Variants in ETFB observed in about 807,000 individuals in gnomAD.
ETFB encodes the protein electron transfer flavoprotein subunit beta, also known as beta-ETF.
In ETFB, 20 loss-of-function variants were observed where a neutral mutation model predicts 25.6. That is an observed-to-expected ratio of 0.78 (90% CI 0.55 to 1.14). The LOEUF (loss-of-function observed/expected upper bound fraction) is 1.14. ETFB is among the 50% of genes most tolerant of loss of function. ETFB has a pLI of 0.00. For missense variants in ETFB, 286 were observed against 342.6 expected (o/e 0.83, Z 1.30); for synonymous variants, 142 against 146.7 (o/e 0.97, Z 0.23).
At chr19:51,354,402 A>G in intron 1 of ETFB, 94 bp from the exon 2 acceptor site, 1 of 1,614,032 alleles carries the variant, frequency 6.2e-7, no homozygotes, top group South Asian at 1.1e-5. Context: ...GGATGAGGAC[A>G]ACGACAGCCT....
chr19:51,366,371 G>C lies in ETFB; in HGVS notation c.-45C>G, dbSNP rs754801507. ...ACAGGGTCAGCCCGCACCCTCAGCGGCTCAGTCCAGAAGCCCCACCACCCC... is the reference window on the plus strand; with the variant it reads ...ACAGGGTCAGCCCGCACCCTCAGCGCCTCAGTCCAGAAGCCCCACCACCCC... On this transcript the variant is annotated 5_prime_UTR_variant, in exon 1 of 6. Coordinates refer to ENST00000309244, the MANE Select transcript of ETFB (RefSeq NM_001985.3). 3.8e-6 allele frequency: 6 copies of C among 1,590,238 alleles called. No homozygotes were observed. The South Asian group carries it at 6.8e-5, about 18-fold the overall frequency.
In ETFB at chr19:51,354,273, C is replaced by T. The variant is rs183159891; in HGVS notation, c.93G>A (p.Thr31=). The T allele has an allele frequency of 1.9e-6, 3 of 1,614,062 alleles. No homozygotes were observed. The highest frequency in any genetic ancestry group is 2.5e-6 in the Non-Finnish European group (3 of 1,180,040). ...RVKPDRTGVV[T]DGVKHSMNPF... is the part of the protein sequence containing the mutation. ...GGTTCATGGAGTGCTTCACACCATCCGTGACCACACCGGTCCTGTCAGGCT... is the reference window on the plus strand; with the variant it reads ...GGTTCATGGAGTGCTTCACACCATCTGTGACCACACCGGTCCTGTCAGGCT... The change falls in exon 2 of 6, where the codon ACG becomes ACA. Residue 31 remains threonine (T), a synonymous_variant. Coordinates refer to ENST00000309244, the MANE Select transcript of ETFB (RefSeq NM_001985.3).
chr19:51,346,236 TGAA>T (rs1985779839), intron 5 of ETFB: 1 of 140,688 alleles, frequency 7.1e-6, no homozygotes, highest in Non-Finnish European at 1.6e-5. Context: ...GATGATGCGC[TGAA>T]CCCTCCCTAT....
Position 51,354,284 on chromosome 19 carries a change from C to A in ETFB, c.82G>T (p.Gly28Cys). 6.2e-7 allele frequency: 1 copy of A among 1,614,144 alleles called. No individual in the cohort carries two copies. ...VKIRVKPDRT[G>C]VVTDGVKHSM... ...TGCTTCACACCATCCGTGACCACAC[C>A]GGTCCTGTCAGGCTTCACTCGGATC... The change falls in exon 2 of 6, where the codon GGT becomes TGT. Residue 28 changes from glycine (G) to cysteine (C), a missense_variant. Coordinates refer to ENST00000309244, the MANE Select transcript of ETFB (RefSeq NM_001985.3).
Position 51,345,208 on chromosome 19 carries a change from G to A in ETFB, c.*3C>T, listed in dbSNP as rs1386338893. 1 of 1,613,954 alleles carries A rather than the reference G, an allele frequency of 6.2e-7. No individual in the cohort carries two copies. The highest frequency in any genetic ancestry group is 8.5e-7 in the Non-Finnish European group (1 of 1,179,942). ...CAGTTTTATTGCCATCTCTGGGAGG[G>A]GCTCAAATCCGCCCAATCTCCTTCA... is the stretch of plus-strand genomic sequence containing the variant. On this transcript the variant is annotated 3_prime_UTR_variant, in exon 6 of 6. Transcript: ENST00000309244.
intron 1 of ETFB, among the ~76,000 whole-genome samples, chr19:51,362,195 AC>A (rs1986249932): frequency 6.7e-6 from 1 of 149,058 alleles, no homozygotes; most frequent in Non-Finnish European, 1.5e-5. Flanking sequence ...ACACACACAC[AC>A]ACACACACGA....
In ETFB at chr19:51,345,340, G is replaced by A; in HGVS notation, c.639C>T (p.Asp213=). The A allele has an allele frequency of 1.2e-6, 2 of 1,614,048 alleles. No individual in the cohort carries two copies. Among genetic ancestry groups the A allele is most frequent in the Non-Finnish European group, 1.7e-6 (2 of 1,180,008 alleles). ...GCTTGGAGGTCAGGTCCACACCCAGGTCCCCAGGCTTGATCACCTCGATCT... is the reference window on the plus strand; with the variant it reads ...GCTTGGAGGTCAGGTCCACACCCAGATCCCCAGGCTTGATCACCTCGATCT... The part of the protein sequence containing the change: ...KKKIEVIKPG[D]LGVDLTSKLS... The change falls in exon 6 of 6, where the codon GAC becomes GAT. Residue 213 remains aspartate, a synonymous_variant. Transcript: ENST00000309244.
Position 51,348,942 on chromosome 19 carries a change from AGATGGTCCCT to A in ETFB, c.438+1377_438+1386del, listed in dbSNP as rs202197786. On this transcript the variant is annotated intron_variant, in intron 4 of 5. Transcript: ENST00000309244. ...AGAAAATCCAAAAAACGTAAAATAC[AGATGGTCCCT>A]GACTTATGATGGTTTGAATTAAGAT... Among the ~76,000 whole-genome samples the A allele has an allele frequency of 4.6e-5, 7 of 152,372 alleles. No individual in the cohort carries two copies. In the East Asian group the frequency reaches 1.2e-3, roughly 25 times the overall value.
At chr19:51,358,982 A>G (rs1353596976) in intron 1 of ETFB, among the ~76,000 whole-genome samples, 2 of 152,108 alleles carry the variant, frequency 1.3e-5, no homozygotes, top group African/African-American at 4.8e-5. Flanking sequence ...TGGGTGACAG[A>G]GCAAGACCTC....
At chr19:51,366,185 G>T in intron 1 of ETFB, 85 bp downstream of exon 1, 2 of 1,351,466 alleles carry the variant, frequency 1.5e-6, no homozygotes, top group Non-Finnish European at 2.1e-6. Context: ...GGGGTTACGA[G>T]AAGACCCCCA....
At chr19:51,365,236 A>G (rs1748961521) in intron 1 of ETFB, 1 of 152,168 alleles carries the variant, frequency 6.6e-6, no homozygotes, top group South Asian at 2.1e-4. Context: ...AGGGTACTGA[A>G]AGGACTGAAT....
At chr19:51,347,131 A>C in intron 4 of ETFB, 73 bp from the exon 5 acceptor site, 1 of 1,454,612 alleles carries the variant, frequency 6.9e-7, no homozygotes, top group South Asian at 1.1e-5. Context: ...TGCTTATGCC[A>C]CTACTGAGTA....
chr19:51,359,768 C>A (rs1986174502), intron 1 of ETFB, among the ~76,000 whole-genome samples: 1 of 151,992 alleles, frequency 6.6e-6, no homozygotes, highest in South Asian at 2.1e-4. Context: ...GCCTGTAATC[C>A]CAGCACCTTA....
intron 1 of ETFB, among the ~76,000 whole-genome samples, chr19:51,359,600 C>T (rs1404781361): frequency 1.3e-5 from 2 of 152,118 alleles, no homozygotes; most frequent in East Asian, 1.9e-4. Flanking sequence ...CACACACGCA[C>T]GCACACACAC....
At chr19:51,366,164 G>A (rs1415991204) in intron 1 of ETFB, 106 bp downstream of exon 1, 3 of 1,129,808 alleles carry the variant, frequency 2.7e-6, no homozygotes, top group African/African-American at 1.5e-5. Flanking sequence ...GGGTTAAAGC[G>A]GCAGAGGTCG....
chr19:51,355,930 C>G (rs1409846302), intron 1 of ETFB: 1 of 103,650 alleles, frequency 9.6e-6, no homozygotes, highest in African/African-American at 4.0e-5. Context: ...CATCACACAC[C>G]GGGGACTGTC....
At position 51,360,766 on chromosome 19, in the gene ETFB, TTCTCTC is replaced by T. The variant is rs34680105; in HGVS notation, c.57+5498_57+5503del. Among the ~76,000 whole-genome samples the T allele has an allele frequency of 3.8e-3, 573 of 150,134 alleles. 2 individuals carry two copies. The highest frequency in any genetic ancestry group is 0.013 in the African/African-American group (547 of 40,940). On this transcript the variant is annotated intron_variant, in intron 1 of 5. Coordinates refer to ENST00000309244, the MANE Select transcript of ETFB (RefSeq NM_001985.3). ...CTTCTCTTCTCTTTTCTTTCTCTCT[TTCTCTC>T]TCTCTCTCTCTCTCTCTTTCTCTTT...
intron 4 of ETFB, chr19:51,348,622 T>G (rs1985854498): frequency 6.6e-6 from 1 of 151,898 alleles, no homozygotes; most frequent in Non-Finnish European, 1.5e-5. Flanking sequence ...AAAAGCAAAC[T>G]TAACAAATTG....
In ETFB at chr19:51,353,236, C is replaced by A. The variant is rs1985973375; in HGVS notation, c.271G>T (p.Val91Leu). Residue 91 changes from valine (V) to leucine (L), a missense_variant, in exon 3 of 6, where the codon GTG becomes TTG. By Grantham distance (32) the Val-to-Leu change is conservative. Transcript: ENST00000309244. ...MGADRGIHVE[V>L]PPAEAERLGP... ...AAGCGTTCTGCTTCTGCTGGGGGCA[C>A]CTCCACGTGGATACCTCGGTCTGCA... 1 of 1,614,082 alleles carries A rather than the reference C, an allele frequency of 6.2e-7. No homozygotes were observed. The highest frequency in any genetic ancestry group is 8.5e-7 in the Non-Finnish European group (1 of 1,180,000).
Sources: gnomAD v4.1 joint callset for allele counts (sites outside exome capture counted in the v4.1 genomes callset) on GRCh38, gnomAD v4.1.1 for gene constraint, MANE v1.5 for transcripts, NCBI Gene and HGNC (gene_info 2026-07-23, HGNC 2026-07-21) for gene names.